The following CDC40 variants were observed in gnomAD, a reference collection of about 807,000 sequenced individuals.
CDC40 encodes pre-mRNA-processing factor 17.
CDC40 carries 27 observed loss-of-function variants against 80.6 expected under a neutral mutation model. The observed-to-expected ratio is 0.33, with a 90% CI of 0.25 to 0.46. The LOEUF (loss-of-function observed/expected upper bound fraction) is 0.46. Ranked by LOEUF, CDC40 falls within the 20% of genes least tolerant of loss-of-function variation. The probability of loss-of-function intolerance (pLI) is 1.00; values close to 1 mark genes in which losing one functional copy is unlikely to be tolerated. For synonymous variants in CDC40, 221 were observed against 232.6 expected (o/e 0.95, Z 0.45); for missense variants, 486 against 694.1 (o/e 0.70, Z 3.37).
intron 3 of CDC40, among the ~76,000 whole-genome samples, chr6:110,203,884 G>A (rs75664772): frequency 0.073 from 11,054 of 152,116 alleles, 546 homozygotes; most frequent in African/African-American, 0.14. Flanking sequence ...CCTTTTGTTC[G>A]ACTTTCATCT....
chr6:110,215,229 A>C, intron 8 of CDC40, 57 bp from the exon 9 acceptor site: 2 of 1,402,756 alleles, frequency 1.4e-6, no homozygotes, highest in South Asian at 1.2e-5. Context: ...GTTGTTATTA[A>C]TTGAAGGACC....
intron 12 of CDC40, among the ~76,000 whole-genome samples, chr6:110,223,500 G>T (rs1350134622): frequency 6.6e-6 from 1 of 152,136 alleles, no homozygotes; most frequent in Non-Finnish European, 1.5e-5. Context: ...CCCCGGAACT[G>T]TGCTTCACTG....
At chr6:110,205,123 A>T (rs1315266141) in intron 3 of CDC40, among the ~76,000 whole-genome samples, 1 of 152,122 alleles carries the variant, frequency 6.6e-6, no homozygotes, top group African/African-American at 2.4e-5. Context: ...CAAATTGTTT[A>T]TAGTCTCTTT....
intron 12 of CDC40, among the ~76,000 whole-genome samples, chr6:110,222,651 G>A (rs940493545): frequency 2.0e-5 from 3 of 152,154 alleles, no homozygotes; most frequent in South Asian, 2.1e-4. Flanking sequence ...ATGAGATTAG[G>A]TGCCTCCTCT....
At chr6:110,185,220 TC>T (rs1307210846) in intron 1 of CDC40, among the ~76,000 whole-genome samples, 1 of 151,698 alleles carries the variant, frequency 6.6e-6, no homozygotes, top group African/African-American at 2.4e-5. Flanking sequence ...TTTCACCCTT[TC>T]TTTTTCTTCA....
intron 6 of CDC40, chr6:110,211,438 A>T: frequency 6.6e-6 from 1 of 152,230 alleles, no homozygotes; most frequent in East Asian, 1.9e-4. Flanking sequence ...ATTACATCAG[A>T]TATTTAGGTT....
intron 12 of CDC40, among the ~76,000 whole-genome samples, chr6:110,220,544 A>C (rs1232439125): frequency 3.5e-5 from 5 of 143,400 alleles, no homozygotes; most frequent in Non-Finnish European, 7.5e-5. Flanking sequence ...TCCCGGGTTC[A>C]CGCCATTGTC....
chr6:110,220,600 A>G (rs550793126), intron 12 of CDC40, among the ~76,000 whole-genome samples: 4 of 151,628 alleles, frequency 2.6e-5, no homozygotes, highest in East Asian at 3.9e-4. Context: ...GCCCGCCACC[A>G]CGCCCGGCTA....
In CDC40 at chr6:110,182,688, CT is replaced by C. The variant is rs367551651; in HGVS notation, c.189+2060del. Among the ~76,000 whole-genome samples, 1,183 of 152,246 alleles carry C rather than the reference CT, an allele frequency of 7.8e-3. 19 individuals are homozygous for C. The highest frequency in any genetic ancestry group is 0.027 in the African/African-American group (1,126 of 41,534). On this transcript the variant is annotated intron_variant, in intron 1 of 14. Transcript: ENST00000307731. ...GTTATTCTTTTCTTTCTCTTTCAGC[CT>C]TTTTGGGTAGTGGGTTCTGTCCACT...
chr6:110,185,403 C>T (rs1454254338), intron 1 of CDC40, among the ~76,000 whole-genome samples: 2 of 151,514 alleles, frequency 1.3e-5, no homozygotes, highest in African/African-American at 2.4e-5. Context: ...CCACTACGCC[C>T]GGCTAATTTT....
chr6:110,193,208 T>C lies in CDC40; in HGVS notation c.216T>C (p.Leu72=), dbSNP rs1325521877. 6.2e-7 allele frequency: 1 copy of C among 1,608,286 alleles called. No individual in the cohort carries two copies. Among genetic ancestry groups the C allele is most frequent in the African/African-American group, 1.3e-5 (1 of 74,772 alleles). Reference sequence around the variant, plus strand: ...AAGATTTGGAGACTGGAGTTCACCTTGACCCTGCCGTCAAAGAAGTTCAGT... The same window carrying C: ...AAGATTTGGAGACTGGAGTTCACCTCGACCCTGCCGTCAAAGAAGTTCAGT... ...VKEDLETGVH[L]DPAVKEVQYN... is the part of the protein sequence containing the mutation. Residue 72 remains leucine, a synonymous_variant, in exon 2 of 15, where the codon CTT becomes CTC. Transcript: ENST00000307731.
At chr6:110,221,017 T>C (rs1346770417) in intron 12 of CDC40, among the ~76,000 whole-genome samples, 1 of 152,228 alleles carries the variant, frequency 6.6e-6, no homozygotes, top group African/African-American at 2.4e-5. Context: ...GTTTTACTTA[T>C]GGAATATAGT....
At position 110,232,098 on chromosome 6, in the gene CDC40, C is replaced by A. The variant is rs539249585; in HGVS notation, c.*1967C>A. Reference sequence around the variant, plus strand: ...TTCAGCATACCAATATTGTATGTTACAAATCATCATTTCTAAATCTGGATT... The same window carrying A: ...TTCAGCATACCAATATTGTATGTTAAAAATCATCATTTCTAAATCTGGATT... On this transcript the variant is annotated 3_prime_UTR_variant, in exon 15 of 15. Transcript: ENST00000307731. The A allele has an allele frequency of 6.6e-6, 1 of 151,994 alleles. No individual in the cohort carries two copies. The highest frequency in any genetic ancestry group is 1.5e-5 in the Non-Finnish European group (1 of 67,932). The allele number at this position is 151,994 out of a possible 1,614,324, so 9.4% of individuals were successfully genotyped here. A position where few individuals can be genotyped will look rare whatever the true frequency, so the allele number is the denominator to read the frequency against.
intron 3 of CDC40, among the ~76,000 whole-genome samples, chr6:110,204,466 A>G (rs1777535868): frequency 6.6e-6 from 1 of 152,198 alleles, no homozygotes; most frequent in South Asian, 2.1e-4. Flanking sequence ...ATTTTAAAAC[A>G]TGGTAGTGAA....
At chr6:110,199,609 A>G (rs1249615436) in intron 2 of CDC40, among the ~76,000 whole-genome samples, 1 of 151,818 alleles carries the variant, frequency 6.6e-6, no homozygotes, top group Non-Finnish European at 1.5e-5. Flanking sequence ...AAAAAAAAAA[A>G]GTGGAGCTAG....
rs186639106 is a variant in CDC40, at chr6:110,182,584, C to A, written c.189+1951C>A. Among the ~76,000 whole-genome samples the A allele has an allele frequency of 1.4e-3, 218 of 152,336 alleles. 1 individual carries two copies. The highest frequency in any genetic ancestry group is 2.4e-3 in the Non-Finnish European group (163 of 68,034). ...TCAATTGATTCTAACATTGCTGTTTCATTAATTTCTCTCACATCAACTCCT... is the reference window on the plus strand; with the variant it reads ...TCAATTGATTCTAACATTGCTGTTTAATTAATTTCTCTCACATCAACTCCT... On this transcript the variant is annotated intron_variant, in intron 1 of 14. Transcript: ENST00000307731.
chr6:110,213,460 G>A (rs1392229570), intron 8 of CDC40, among the ~76,000 whole-genome samples: 12 of 149,782 alleles, frequency 8.0e-5, no homozygotes, highest in Admixed American at 8.0e-4. Flanking sequence ...CACGACCTCA[G>A]CTCACTGCAA....
intron 1 of CDC40, among the ~76,000 whole-genome samples, chr6:110,182,833 T>G (rs932286352): frequency 6.6e-6 from 1 of 152,346 alleles, no homozygotes; most frequent in East Asian, 1.9e-4. Context: ...TCTTCCTTTC[T>G]TGTCTCCCAG....
At chr6:110,221,848 A>G (rs116718591) in intron 12 of CDC40, among the ~76,000 whole-genome samples, 1 of 151,554 alleles carries the variant, frequency 6.6e-6, no homozygotes, top group Admixed American at 6.6e-5. Flanking sequence ...AAACTAGCAG[A>G]TAATGTTAGT....
Sources: gnomAD v4.1 joint callset for allele counts (sites outside exome capture counted in the v4.1 genomes callset) on GRCh38, gnomAD v4.1.1 for gene constraint, MANE v1.5 for transcripts, NCBI Gene and HGNC (gene_info 2026-07-23, HGNC 2026-07-21) for gene names.